The following PWWP3A variants were observed in gnomAD, a reference collection of about 807,000 sequenced individuals.
PWWP3A encodes PWWP domain-containing DNA repair factor 3A.
Under a neutral mutation model 79.0 loss-of-function variants are expected in PWWP3A, and 53 were observed. That is an observed-to-expected ratio of 0.67 (90% CI 0.54 to 0.84). The LOEUF is 0.84. Among genes scored for constraint, PWWP3A ranks in the 40% least tolerant of loss-of-function variants. PWWP3A has a pLI of 0.00. For missense variants in PWWP3A, 973 were observed against 948.0 expected (o/e 1.03, Z -0.35); for synonymous variants, 443 against 394.4 (o/e 1.12, Z -1.46).
At chr19:1,371,612 G>A (rs2082261996) in intron 12 of PWWP3A, 4 of 582,136 alleles carry the variant, frequency 6.9e-6, no homozygotes, top group Admixed American at 3.0e-5. Context: ...TGATTTTGAA[G>A]TTTGTATCTG....
At chr19:1,363,871 T>C (rs1475932230) in intron 6 of PWWP3A, among the ~76,000 whole-genome samples, 3 of 152,214 alleles carry the variant, frequency 2.0e-5, no homozygotes, top group Non-Finnish European at 4.4e-5. Context: ...CCACGGCACT[T>C]CCTTCCTTCC....
chr19:1,376,164 C>CG (rs930538397), intron 13 of PWWP3A, among the ~76,000 whole-genome samples: 9 of 143,398 alleles, frequency 6.3e-5, no homozygotes, highest in African/African-American at 2.4e-4. Context: ...TTAGCTCTGT[C>CG]GCCCAGGCTG....
chr19:1,373,463 A>G lies in PWWP3A; in HGVS notation c.2075+303A>G, dbSNP rs1443793864. 2.7e-5 allele frequency: 11 copies of G among 413,488 alleles called. No homozygotes were observed. In the East Asian group the frequency reaches 4.5e-4, roughly 17 times the overall value. 25.6% of individuals were successfully genotyped at this position (413,488 alleles called of 1,614,324 possible). On this transcript the variant is annotated intron_variant, in intron 13 of 13. Transcript: ENST00000591337. ...GCAGGGGCTGATGTTTGCTTTTTGC[A>G]CTTTCCTCCCCTCTTTCCACAGCCC... is the stretch of plus-strand genomic sequence containing the variant.
At position 1,371,029 on chromosome 19, in the gene PWWP3A, G is replaced by A. The variant is rs200939177; in HGVS notation, c.1937G>A (p.Arg646His). The change falls in exon 12 of 14, where the codon CGC (arginine) becomes CAC (histidine). Residue 646 changes from arginine (R) to histidine (H), a missense_variant. Physicochemically the swap from Arg to His is conservative, Grantham distance 29 (BLOSUM62 0). Transcript: ENST00000591337. ...YQEVGAKVLQ[R>H]TNGDRIRFIL... ...GAGGTGGGGGCCAAGGTGCTCCAGC[G>A]CACCAACGGCGACCGGATCCGGTTC... 9.5e-5 allele frequency: 149 copies of A among 1,574,440 alleles called. No individual in the cohort carries two copies. In the East Asian group the frequency reaches 1.9e-3, roughly 21 times the overall value.
intron 7 of PWWP3A, among the ~76,000 whole-genome samples, chr19:1,365,086 C>T (rs190782445): frequency 8.0e-4 from 122 of 152,288 alleles, no homozygotes; most frequent in African/African-American, 2.8e-3. Context: ...TGCCATTGTA[C>T]TCCAGCCTGG....
chr19:1,364,976 C>G (rs999109148), intron 7 of PWWP3A, among the ~76,000 whole-genome samples: 2 of 152,028 alleles, frequency 1.3e-5, no homozygotes, highest in African/African-American at 4.8e-5. Flanking sequence ...AAAAATTAGC[C>G]GGGCGTGGTG....
chr19:1,370,553 C>T (rs1600122130), intron 11 of PWWP3A, 89 bp from the exon 12 acceptor site: 1 of 1,225,576 alleles, frequency 8.2e-7, no homozygotes, highest in Non-Finnish European at 1.1e-6. Context: ...CCATCCCTGC[C>T]ATGTCGCAGC....
rs2082172171 is a variant in PWWP3A, at chr19:1,368,341, C to G, written c.1423-924C>G. 6.6e-6 allele frequency among the ~76,000 whole-genome samples: 1 copy of G among 152,160 alleles called. No individual in the cohort carries two copies. On this transcript the variant is annotated intron_variant, in intron 9 of 13. Coordinates refer to ENST00000591337, the MANE Select transcript of PWWP3A (RefSeq NM_001369789.1). This position sits in a 1 kb window ranked among gnomAD's most constrained non-coding sequence, Gnocchi z 4.7. ...TATCAAAAACCCTGGGTTCTGAGAG[C>G]ACAGGGTGCCCGCTTCTTCTTCCTA...
Position 1,356,419 on chromosome 19 carries a change from C to A in PWWP3A, c.27C>A (p.Cys9Ter). The change falls in exon 2 of 14, where the codon TGC (cysteine) becomes TGA (stop). Residue 9 changes from cysteine to a stop codon, truncating the protein, a stop_gained. Coordinates refer to ENST00000591337, the MANE Select transcript of PWWP3A (RefSeq NM_001369789.1). LOFTEE classifies it high-confidence loss of function. Reference protein sequence around the residue: MADAKYVLCRWEKRLWPAK... With the variant: MADAKYVL ...TGGCGGATGCCAAGTATGTCCTCTG[C>A]CGATGGGAAAAGCGATTATGGCCTG... 1 of 1,614,074 alleles carries A rather than the reference C, an allele frequency of 6.2e-7. No homozygotes were observed.
Position 1,373,086 on chromosome 19 carries a change from G to C in PWWP3A, c.2001G>C (p.Ala667=), listed in dbSNP as rs142673331. ...DVLLPEAIIC[A]ISAVDEVDYK... ...CCCTCTCACAGGCCATCATCTGTGC[G>C]ATCTCTGCGGTGGACGAGGTGGACT... is the stretch of plus-strand genomic sequence containing the variant. Residue 667 remains alanine (A), a synonymous_variant, in exon 13 of 14, where the codon GCG becomes GCC. Coordinates refer to ENST00000591337, the MANE Select transcript of PWWP3A (RefSeq NM_001369789.1). The C allele has an allele frequency of 5.9e-5, 95 of 1,614,218 alleles. No individual in the cohort carries two copies. In the African/African-American group the frequency reaches 8.9e-4, roughly 15 times the overall value.
chr19:1,368,247 G>T lies in PWWP3A; in HGVS notation c.1423-1018G>T, dbSNP rs2082170039. The stretch of plus-strand genomic sequence containing the variant: ...TGGAACTGAGTTACTTTCTAAAAAT[G>T]GATGAAGGTGTGGGGTGAGGAGAAG... On this transcript the variant is annotated intron_variant, in intron 9 of 13. Transcript: ENST00000591337. This position sits in a 1 kb window ranked among gnomAD's most constrained non-coding sequence, Gnocchi z 4.7. 6.6e-6 allele frequency among the ~76,000 whole-genome samples: 1 copy of T among 152,188 alleles called. No individual in the cohort carries two copies. Among genetic ancestry groups the T allele is most frequent in the African/African-American group, 2.4e-5 (1 of 41,448 alleles).
At chr19:1,367,528 C>A (rs1018754579) in intron 9 of PWWP3A, among the ~76,000 whole-genome samples, 2 of 152,218 alleles carry the variant, frequency 1.3e-5, no homozygotes, top group East Asian at 1.9e-4. Flanking sequence ...AGAGCCTCTG[C>A]GCAAGGCCAC....
intron 8 of PWWP3A, among the ~76,000 whole-genome samples, chr19:1,366,657 A>G (rs554088034): frequency 1.8e-4 from 28 of 152,354 alleles, no homozygotes; most frequent in Non-Finnish European, 2.8e-4. Flanking sequence ...CAGCCCAACC[A>G]GACACTCACT....
At position 1,370,813 on chromosome 19, in the gene PWWP3A, A is replaced by G; in HGVS notation, c.1721A>G (p.Lys574Arg). The change falls in exon 12 of 14, where the codon AAG (lysine) becomes AGG (arginine). Residue 574 changes from lysine (K) to arginine (R), a missense_variant. Transcript: ENST00000591337. ...SRAARDRANQ[K>R]LVEYIVKAKG... ...GCCGCCCGGGACCGGGCCAACCAGAAGCTGGTGGAGTACATTGTGAAGGCC... is the reference window on the plus strand; with the variant it reads ...GCCGCCCGGGACCGGGCCAACCAGAGGCTGGTGGAGTACATTGTGAAGGCC... 6.4e-7 allele frequency: 1 copy of G among 1,567,442 alleles called. No homozygotes were observed. The highest frequency in any genetic ancestry group is 8.7e-7 in the Non-Finnish European group (1 of 1,155,454).
chr19:1,376,458 C>T (rs1600136856), intron 13 of PWWP3A, 61 bp from the exon 14 acceptor site: 3 of 1,566,298 alleles, frequency 1.9e-6, no homozygotes, highest in East Asian at 2.3e-5. Flanking sequence ...CCAGTCCTCT[C>T]TCTCATATTC....
Position 1,368,151 on chromosome 19 carries a change from C to T in PWWP3A, c.1422+931C>T, listed in dbSNP as rs571368755. 6.6e-6 allele frequency among the ~76,000 whole-genome samples: 1 copy of T among 152,284 alleles called. No individual in the cohort carries two copies. The highest frequency in any genetic ancestry group is 2.1e-4 in the South Asian group (1 of 4,822). On this transcript the variant is annotated intron_variant, in intron 9 of 13. Transcript: ENST00000591337. This position sits in a 1 kb window ranked among gnomAD's most constrained non-coding sequence, Gnocchi z 4.7. Reference sequence around the variant, plus strand: ...TATTGGCCAGGTTGGTCTCGAACTCCTGACCTCATGATCCGCCTGCCTCAG... The same window carrying T: ...TATTGGCCAGGTTGGTCTCGAACTCTTGACCTCATGATCCGCCTGCCTCAG...
chr19:1,357,017 C>T lies in PWWP3A; in HGVS notation c.66C>T (p.Ala22=). Reference sequence around the variant, plus strand: ...TTTTGTTTTAAATGTAGGTTTTGGCCCGAACCGCGACTTCAACAAAAAATA... The same window carrying T: ...TTTTGTTTTAAATGTAGGTTTTGGCTCGAACCGCGACTTCAACAAAAAATA... The part of the protein sequence containing the change: ...EKRLWPAKVL[A]RTATSTKNKR... The change falls in exon 3 of 14, where the codon GCC becomes GCT. Residue 22 remains alanine (A), a synonymous_variant. Coordinates refer to ENST00000591337, the MANE Select transcript of PWWP3A (RefSeq NM_001369789.1). 1.9e-6 allele frequency: 3 copies of T among 1,612,780 alleles called. No individual in the cohort carries two copies. The highest frequency in any genetic ancestry group is 2.5e-6 in the Non-Finnish European group (3 of 1,179,680).
At position 1,367,628 on chromosome 19, in the gene PWWP3A, C is replaced by T. The variant is rs145855738; in HGVS notation, c.1422+408C>T. On this transcript the variant is annotated intron_variant, in intron 9 of 13. Coordinates refer to ENST00000591337, the MANE Select transcript of PWWP3A (RefSeq NM_001369789.1). ...GCGGCCGGGGGCGTCCCTAGCTCAG[C>T]GTCGGGAGCCCTGTGGGCGCTCAAG... Among the ~76,000 whole-genome samples the T allele has an allele frequency of 8.3e-4, 127 of 152,350 alleles. 2 individuals carry two copies. The South Asian group carries it at 0.014, about 17-fold the overall frequency.
chr19:1,361,132 T>C, intron 5 of PWWP3A, 100 bp downstream of exon 5: 1 of 1,222,218 alleles, frequency 8.2e-7, no homozygotes, highest in Non-Finnish European at 1.1e-6. Context: ...GACCAGATTT[T>C]AATGAGATCG....
Sources: gnomAD v4.1 joint callset for allele counts (sites outside exome capture counted in the v4.1 genomes callset) on GRCh38, gnomAD v4.1.1 for gene constraint, Gnocchi (gnomAD v3.1) non-coding constraint, MANE v1.5 for transcripts, NCBI Gene and HGNC (gene_info 2026-07-23, HGNC 2026-07-21) for gene names.